Variants in SLCO5A1 observed in about 807,000 individuals in gnomAD.
The protein encoded by SLCO5A1 is organic anion transporter polypeptide-related protein 4.
In SLCO5A1, 39 loss-of-function variants were observed where a neutral mutation model predicts 65.1. The observed-to-expected ratio is 0.60, with a 90% CI of 0.46 to 0.78. The LOEUF is 0.78. SLCO5A1 is among the 30% of genes least tolerant of loss of function. The pLI, the probability that SLCO5A1 is intolerant of heterozygous loss-of-function variation, is 0.00. For missense variants in SLCO5A1, 1,029 were observed against 1,069.4 expected (o/e 0.96, Z 0.53); for synonymous variants, 438 against 415.7 (o/e 1.05, Z -0.65).
In SLCO5A1 at chr8:69,679,359, A is replaced by G. The variant is rs1173714956; in HGVS notation, c.2024+19T>C. The G allele has an allele frequency of 1.2e-6, 2 of 1,613,864 alleles. No homozygotes were observed. Among genetic ancestry groups the G allele is most frequent in the South Asian group, 1.1e-5 (1 of 91,068 alleles). On this transcript the variant is annotated intron_variant, in intron 8 of 9. Transcript: ENST00000260126. ...TTATAAGTACAGAACCCACCCCAGA[A>G]GTTGAATGCTGTTCTCACCTGAGTG...
intron 2 of SLCO5A1, among the ~76,000 whole-genome samples, chr8:69,827,755 TCA>T (rs1375162280): frequency 6.6e-6 from 1 of 152,244 alleles, no homozygotes; most frequent in Non-Finnish European, 1.5e-5. Context: ...GGGAAAGGTC[TCA>T]CATCATAATT....
chr8:69,762,597 AT>A (rs201182567), intron 2 of SLCO5A1, among the ~76,000 whole-genome samples: 8 of 151,764 alleles, frequency 5.3e-5, no homozygotes, highest in African/African-American at 1.2e-4. Flanking sequence ...CCAAGAGAAG[AT>A]TTTTTTTATG....
Position 69,831,778 on chromosome 8 carries a change from G to A in SLCO5A1, c.896C>T (p.Ser299Phe). The change falls in exon 2 of 10, where the codon TCC becomes TTC. Residue 299 changes from serine (S) to phenylalanine (F), a missense_variant. Coordinates refer to ENST00000260126, the MANE Select transcript of SLCO5A1 (RefSeq NM_030958.3). ...LDDNVKKENS[S>F]LYLAIMYVMG... ...CAGGAAAGTCTTACCTAGGTACAAG[G>A]AGGAGTTTTCTTTCTTGACATTGTC... The A allele has an allele frequency of 6.2e-7, 1 of 1,614,002 alleles. No individual in the cohort carries two copies. The highest frequency in any genetic ancestry group is 8.5e-7 in the Non-Finnish European group (1 of 1,179,992).
At chr8:69,727,022 T>C (rs555447314) in intron 5 of SLCO5A1, among the ~76,000 whole-genome samples, 1 of 152,286 alleles carries the variant, frequency 6.6e-6, no homozygotes, top group East Asian at 1.9e-4. Context: ...ACATACTTTA[T>C]CTCATTTAAT....
At chr8:69,687,214 A>G (rs552520374) in intron 6 of SLCO5A1, among the ~76,000 whole-genome samples, 1 of 152,352 alleles carries the variant, frequency 6.6e-6, no homozygotes, top group Admixed American at 6.5e-5. Flanking sequence ...ATCTAGTTTC[A>G]GGCCTGCCAT....
intron 2 of SLCO5A1, among the ~76,000 whole-genome samples, chr8:69,812,548 G>A (rs1820249569): frequency 1.3e-5 from 2 of 152,184 alleles, no homozygotes; most frequent in Admixed American, 6.5e-5. Context: ...ATAAATAAGT[G>A]CCCCACCAGA....
At chr8:69,821,057 G>A (rs1011735269) in intron 2 of SLCO5A1, among the ~76,000 whole-genome samples, 3 of 152,176 alleles carry the variant, frequency 2.0e-5, no homozygotes, top group Non-Finnish European at 2.9e-5. Context: ...TCTCTGTCAT[G>A]TGAAGCCAGG....
intron 6 of SLCO5A1, among the ~76,000 whole-genome samples, chr8:69,695,905 AG>A (rs1204450106): frequency 6.6e-6 from 1 of 152,232 alleles, no homozygotes; most frequent in African/African-American, 2.4e-5. Flanking sequence ...AAACAAGACC[AG>A]GGTATGATAA....
rs1390622503 is a variant in SLCO5A1, at chr8:69,682,211, A to G, written c.1755T>C (p.Cys585=). The change falls in exon 7 of 10, where the codon TGT becomes TGC. Residue 585 remains cysteine, a synonymous_variant. Transcript: ENST00000260126. ...CAGTGCTAAGATTACCACTATTAAC[A>G]CAGCCAGCCAGACAAGGGTTAAAGT... The part of the protein sequence containing the change: ...ITYFNPCLAG[C]VNSGNLSTGI... The G allele has an allele frequency of 6.2e-7, 1 of 1,612,824 alleles. No homozygotes were observed. Among genetic ancestry groups the G allele is most frequent in the South Asian group, 1.1e-5 (1 of 90,756 alleles).
chr8:69,709,409 A>G (rs1197184328), intron 5 of SLCO5A1, among the ~76,000 whole-genome samples: 1 of 152,232 alleles, frequency 6.6e-6, no homozygotes, highest in African/African-American at 2.4e-5. Flanking sequence ...AGGGGGAGAG[A>G]AACTCCTTTC....
At chr8:69,803,511 C>T (rs561038660) in intron 2 of SLCO5A1, among the ~76,000 whole-genome samples, 2 of 152,096 alleles carry the variant, frequency 1.3e-5, no homozygotes, top group East Asian at 1.9e-4. Flanking sequence ...GCTGAGATCA[C>T]GCCACTGCAC....
chr8:69,826,356 G>A (rs1820914634), intron 2 of SLCO5A1, among the ~76,000 whole-genome samples: 1 of 151,640 alleles, frequency 6.6e-6, no homozygotes, highest in Non-Finnish European at 1.5e-5. Flanking sequence ...CTACAAAATG[G>A]GAGAAAATTT....
At chr8:69,774,860 A>T (rs1266461228) in intron 2 of SLCO5A1, among the ~76,000 whole-genome samples, 4 of 152,232 alleles carry the variant, frequency 2.6e-5, no homozygotes, top group Non-Finnish European at 5.9e-5. Context: ...TGCAACAGTG[A>T]TACCAACTCT....
chr8:69,777,272 T>A (rs1283978485), intron 2 of SLCO5A1, among the ~76,000 whole-genome samples: 1 of 152,098 alleles, frequency 6.6e-6, no homozygotes, highest in Non-Finnish European at 1.5e-5. Flanking sequence ...TCATAATAAT[T>A]ATGTTGAGTG....
At chr8:69,692,867 A>G (rs1314428110) in intron 6 of SLCO5A1, among the ~76,000 whole-genome samples, 1 of 152,200 alleles carries the variant, frequency 6.6e-6, no homozygotes, top group Non-Finnish European at 1.5e-5. Flanking sequence ...TGACTTTTTT[A>G]ATACGTAGAA....
chr8:69,816,719 C>G (rs980505442), intron 2 of SLCO5A1, among the ~76,000 whole-genome samples: 1 of 152,128 alleles, frequency 6.6e-6, no homozygotes, highest in Non-Finnish European at 1.5e-5. Context: ...TCCACTTTCC[C>G]TTTATTTTTC....
At chr8:69,725,754 T>C (rs1192286871) in intron 5 of SLCO5A1, among the ~76,000 whole-genome samples, 1 of 152,212 alleles carries the variant, frequency 6.6e-6, no homozygotes, top group Non-Finnish European at 1.5e-5. Context: ...CTATTGGGCA[T>C]ATCTTTGTTG....
At chr8:69,707,297 C>G (rs1463830535) in intron 5 of SLCO5A1, among the ~76,000 whole-genome samples, 1 of 152,050 alleles carries the variant, frequency 6.6e-6, no homozygotes, top group Non-Finnish European at 1.5e-5. Context: ...TGGATGAAAT[C>G]TGGGAGGGTT....
chr8:69,817,806 C>G (rs991577086), intron 2 of SLCO5A1, among the ~76,000 whole-genome samples: 1 of 152,204 alleles, frequency 6.6e-6, no homozygotes, highest in Non-Finnish European at 1.5e-5. Flanking sequence ...ATAGATCTTA[C>G]ATTTGTCTGT....
Sources: gnomAD v4.1 joint callset for allele counts (sites outside exome capture counted in the v4.1 genomes callset) on GRCh38, gnomAD v4.1.1 for gene constraint, MANE v1.5 for transcripts, NCBI Gene and HGNC (gene_info 2026-07-23, HGNC 2026-07-21) for gene names.